Variants in TRA2B observed in about 807,000 individuals in gnomAD.
TRA2B encodes transformer-2 protein homolog beta.
A neutral mutation model predicts 41.7 loss-of-function variants in TRA2B; 14 were observed. That is an observed-to-expected ratio of 0.34 (90% CI 0.22 to 0.53). The LOEUF is 0.53. Ranked by LOEUF, TRA2B falls within the 20% of genes least tolerant of loss-of-function variation. The pLI is 0.95. For missense variants in TRA2B, 167 were observed against 396.8 expected, an observed-to-expected ratio of 0.42 and a Z score of 4.92; for synonymous variants, 130 against 128.8, an observed-to-expected ratio of 1.01 and a Z score of -0.06.
At chr3:185,936,813 G>A in intron 1 of TRA2B, 1 of 984,890 alleles carries the variant, frequency 1.0e-6, no homozygotes, top group Non-Finnish European at 1.2e-6. Flanking sequence ...AATGCTTTCC[G>A]AATCCAATAC....
intron 3 of TRA2B, chr3:185,925,193 C>G (rs947967018): frequency 2.0e-5 from 6 of 306,038 alleles, no homozygotes; most frequent in Admixed American, 9.4e-5. Context: ...TAATACTATA[C>G]TACAGTATAG....
chr3:185,926,076 C>T (rs1000836986), intron 2 of TRA2B, among the ~76,000 whole-genome samples: 49 of 151,866 alleles, frequency 3.2e-4, no homozygotes, highest in African/African-American at 1.2e-3. Context: ...AAATTGTCAT[C>T]GAAACGAGGA....
At position 185,936,688 on chromosome 3, in the gene TRA2B, T is replaced by A. The variant is rs62290866; in HGVS notation, c.36+1137A>T. On this transcript the variant is annotated intron_variant, in intron 1 of 8. Coordinates refer to ENST00000453386, the MANE Select transcript of TRA2B (RefSeq NM_004593.3). ...TAGGTAACAAATTGTTTTTTTTTTT[T>A]AAAAAAGCACAAATTATTCCCACAG... 1.2e-3 allele frequency: 1,186 copies of A among 973,142 alleles called. 5 individuals are homozygous for A. In the African/African-American group the frequency reaches 0.015, roughly 12 times the overall value. 60.3% of individuals were successfully genotyped at this position (973,142 alleles called of 1,614,324 possible).
chr3:185,936,584 T>C (rs1396053288), intron 1 of TRA2B: 1 of 985,292 alleles, frequency 1.0e-6, no homozygotes, highest in East Asian at 1.1e-4. Flanking sequence ...ATCAAAAGTT[T>C]GCTAAGACAT....
chr3:185,914,677 GGCA>G lies in TRA2B; in HGVS notation c.*3035_*3037del. 1.3e-5 allele frequency among the ~76,000 whole-genome samples: 2 copies of G among 151,944 alleles called. No homozygotes were observed. The highest frequency in any genetic ancestry group is 3.9e-4 in the East Asian group (2 of 5,178). ...GCATTCTGGCTTTTTGATGACATTTGGCATAAGCTAGCATTAAGTCCAATCCTA... is the reference window on the plus strand; with the variant it reads ...GCATTCTGGCTTTTTGATGACATTTGTAAGCTAGCATTAAGTCCAATCCTA... On this transcript the variant is annotated 3_prime_UTR_variant, in exon 9 of 9. Coordinates refer to ENST00000453386, the MANE Select transcript of TRA2B (RefSeq NM_004593.3).
chr3:185,929,846 T>C (rs1053458013), intron 1 of TRA2B, among the ~76,000 whole-genome samples: 1 of 152,222 alleles, frequency 6.6e-6, no homozygotes, highest in Admixed American at 6.5e-5. Flanking sequence ...AGAAGTTACA[T>C]GCTTCCTACT....
intron 2 of TRA2B, among the ~76,000 whole-genome samples, chr3:185,925,868 T>C (rs1743929641): frequency 6.6e-6 from 1 of 152,372 alleles, no homozygotes; most frequent in Admixed American, 6.5e-5. Context: ...ATATTACTTA[T>C]CTTTTACAAA....
At chr3:185,920,568 T>A (rs976907458) in intron 6 of TRA2B, among the ~76,000 whole-genome samples, 2 of 152,140 alleles carry the variant, frequency 1.3e-5, no homozygotes, top group Non-Finnish European at 2.9e-5. Flanking sequence ...TTTATTTATT[T>A]TTTTTTTTGA....
rs1360796973 is a variant in TRA2B, at chr3:185,922,085, C to T, written c.564G>A (p.Arg188=). ...RANGMELDGR[R]IRVDFSITKR... ...TTGTTATAGAGAAATCAACTCTGAT[C>T]CTACGCCCATCAAGCTCCATTCCAT... Residue 188 remains arginine, a synonymous_variant, in exon 5 of 9, where the codon AGG becomes AGA. Coordinates refer to ENST00000453386, the MANE Select transcript of TRA2B (RefSeq NM_004593.3). 1 of 1,613,606 alleles carries T rather than the reference C, an allele frequency of 6.2e-7. No homozygotes were observed. The highest frequency in any genetic ancestry group is 1.7e-5 in the Admixed American group (1 of 59,938).
At chr3:185,919,038 G>GA (rs1303961607) in intron 7 of TRA2B, among the ~76,000 whole-genome samples, 3 of 152,074 alleles carry the variant, frequency 2.0e-5, no homozygotes, top group Non-Finnish European at 2.9e-5. Flanking sequence ...GCACCCTCTT[G>GA]AACACCCAAA....
Position 185,915,607 on chromosome 3 carries a change from G to C in TRA2B, c.*2108C>G, listed in dbSNP as rs1451854248. On this transcript the variant is annotated 3_prime_UTR_variant, in exon 9 of 9. Transcript: ENST00000453386. The stretch of plus-strand genomic sequence containing the variant: ...CCAAATTTTCCTCAGTCTTTTGCCT[G>C]TTAACACTCTTTGTAGCCATGTCAA... Among the ~76,000 whole-genome samples, 1 of 152,130 alleles carries C rather than the reference G, an allele frequency of 6.6e-6. No homozygotes were observed. Among genetic ancestry groups the C allele is most frequent in the Non-Finnish European group, 1.5e-5 (1 of 68,016 alleles).
chr3:185,931,572 A>G lies in TRA2B; in HGVS notation c.37-4838T>C, dbSNP rs572102642. The G allele has an allele frequency of 2.4e-5, 30 of 1,228,236 alleles. No individual in the cohort carries two copies. In the African/African-American group the frequency reaches 4.4e-4, roughly 18 times the overall value. 76.1% of individuals were successfully genotyped at this position (1,228,236 alleles called of 1,614,324 possible). ...ACAGGGACACATAAACAGACTAGTAATTACTTAGCGTAGTGCTTTCTGATT... is the reference window on the plus strand; with the variant it reads ...ACAGGGACACATAAACAGACTAGTAGTTACTTAGCGTAGTGCTTTCTGATT... On this transcript the variant is annotated intron_variant, in intron 1 of 8. Transcript: ENST00000453386.
In TRA2B at chr3:185,922,100, C is replaced by T. The variant is rs1743765787; in HGVS notation, c.549G>A (p.Glu183=). 3.7e-6 allele frequency: 6 copies of T among 1,613,396 alleles called. No homozygotes were observed. In the Admixed American group the frequency reaches 1.0e-4, roughly 27 times the overall value. The change falls in exon 5 of 9, where the codon GAG becomes GAA. Residue 183 remains glutamate (E), a synonymous_variant. Transcript: ENST00000453386. Reference sequence around the variant, plus strand: ...CAACTCTGATCCTACGCCCATCAAGCTCCATTCCATTGGCACGTTCTTTAG... The same window carrying T: ...CAACTCTGATCCTACGCCCATCAAGTTCCATTCCATTGGCACGTTCTTTAG... ...KEAKERANGM[E]LDGRRIRVDF...
At chr3:185,936,732 A>G (rs961208493) in intron 1 of TRA2B, 9 of 984,676 alleles carry the variant, frequency 9.1e-6, no homozygotes, top group Non-Finnish European at 1.1e-5. Context: ...ATCAATTTCT[A>G]TGGTGCTTTT....
rs192932333 is a variant in TRA2B, at chr3:185,936,932, G to A, written c.36+893C>T. ...ACCTTTAAGAGGTGGAAACTTAAGG[G>A]AAAGAAAACTGTAGCCAACACACGC... On this transcript the variant is annotated intron_variant, in intron 1 of 8. Coordinates refer to ENST00000453386, the MANE Select transcript of TRA2B (RefSeq NM_004593.3). 4 of 985,192 alleles carry A rather than the reference G, an allele frequency of 4.1e-6. No individual in the cohort carries two copies. The African/African-American group carries it at 7.0e-5, about 17-fold the overall frequency. 61.0% of individuals were successfully genotyped at this position (985,192 alleles called of 1,614,324 possible).
At chr3:185,921,554 GGAGATCGA>G (rs1478275049) in intron 5 of TRA2B, among the ~76,000 whole-genome samples, 6 of 152,226 alleles carry the variant, frequency 3.9e-5, no homozygotes, top group Admixed American at 1.3e-4. Context: ...CATGAGGTCA[GGAGATCGA>G]GAACATCCTG....
chr3:185,936,421 T>C (rs1744357764), intron 1 of TRA2B: 7 of 985,312 alleles, frequency 7.1e-6, no homozygotes, highest in Non-Finnish European at 8.4e-6. Flanking sequence ...CATCAAAAAC[T>C]AAAAACTCTA....
chr3:185,937,426 A>C, intron 1 of TRA2B: 1 of 1,020,624 alleles, frequency 9.8e-7, no homozygotes, highest in Non-Finnish European at 1.2e-6. Flanking sequence ...CTTCTCCGCC[A>C]TTTTGTGCCT....
intron 3 of TRA2B, chr3:185,924,417 G>C (rs997818982): frequency 6.4e-6 from 1 of 157,168 alleles, no homozygotes; most frequent in Non-Finnish European, 1.4e-5. Flanking sequence ...TGTATGGTTC[G>C]ATTTTTTCAG....
Sources: gnomAD v4.1 joint callset for allele counts (sites outside exome capture counted in the v4.1 genomes callset) on GRCh38, gnomAD v4.1.1 for gene constraint, MANE v1.5 for transcripts, NCBI Gene and HGNC (gene_info 2026-07-23, HGNC 2026-07-21) for gene names.